TRIM9: variants seen among roughly 807,000 people sequenced by gnomAD.
TRIM9 encodes the protein E3 ubiquitin-protein ligase TRIM9.
In TRIM9, 26 loss-of-function variants were observed where a neutral mutation model predicts 78.3. That is an observed-to-expected ratio of 0.33 (90% CI 0.24 to 0.46). The LOEUF is 0.46. Among genes scored for constraint, TRIM9 ranks in the 20% least tolerant of loss-of-function variants. TRIM9 has a pLI of 1.00. For missense variants in TRIM9, 787 were observed against 1,036.4 expected (o/e 0.76, Z 3.30); for synonymous variants, 398 against 416.5 (o/e 0.96, Z 0.54).
At chr14:51,088,501 A>C (rs2063990811) in intron 1 of TRIM9, among the ~76,000 whole-genome samples, 1 of 152,240 alleles carries the variant, frequency 6.6e-6, no homozygotes, top group Non-Finnish European at 1.5e-5. Context: ...AGAATTGTGG[A>C]GTGCTCATAC....
intron 1 of TRIM9, among the ~76,000 whole-genome samples, chr14:51,028,101 CAA>C (rs1177736089): frequency 3.9e-5 from 6 of 152,180 alleles, no homozygotes; most frequent in Non-Finnish European, 7.3e-5. Flanking sequence ...TAGTAGTAGA[CAA>C]AGAGTTTTGG....
At chr14:51,032,507 C>T (rs1466833075) in intron 1 of TRIM9, among the ~76,000 whole-genome samples, 2 of 152,208 alleles carry the variant, frequency 1.3e-5, no homozygotes, top group African/African-American at 4.8e-5. Flanking sequence ...GGCTGGGGCC[C>T]CCTTGCTTCA....
chr14:50,980,562 A>G (rs1322026779), intron 11 of TRIM9, among the ~76,000 whole-genome samples: 1 of 152,196 alleles, frequency 6.6e-6, no homozygotes, highest in African/African-American at 2.4e-5. Flanking sequence ...ATGCAAGCAG[A>G]TGTGTTCAGC....
At chr14:51,076,149 G>C (rs1596316934) in intron 1 of TRIM9, among the ~76,000 whole-genome samples, 1 of 152,178 alleles carries the variant, frequency 6.6e-6, no homozygotes, top group East Asian at 1.9e-4. Context: ...CTGTTTCACA[G>C]ATGAGGAAAC....
rs536835740 is a variant in TRIM9, at chr14:51,060,300, A to G, written c.822+33818T>C. On this transcript the variant is annotated intron_variant, in intron 1 of 12. Transcript: ENST00000684578. ...TCAGCCTAACTTCCTATGACCATTT[A>G]GCTAACCCTTTACTCCCTCAGTATT... Among the ~76,000 whole-genome samples, 8 of 152,306 alleles carry G rather than the reference A, an allele frequency of 5.3e-5. No homozygotes were observed. The South Asian group carries it at 1.7e-3, about 32-fold the overall frequency.
At chr14:50,996,402 C>A (rs775730775) in intron 7 of TRIM9, 110 of 985,176 alleles carry the variant, frequency 1.1e-4, no homozygotes, top group Non-Finnish European at 1.3e-4. Flanking sequence ...CATCCTCCTG[C>A]AGGATGAAAC....
chr14:51,003,705 AC>A (rs143086618), intron 5 of TRIM9, among the ~76,000 whole-genome samples: 12,102 of 152,190 alleles, frequency 0.08, 630 homozygotes, highest in Middle Eastern at 0.17. Context: ...CCAGATTTAG[AC>A]AAATTAGCAA....
At chr14:51,068,384 T>C (rs983584216) in intron 1 of TRIM9, among the ~76,000 whole-genome samples, 2 of 152,096 alleles carry the variant, frequency 1.3e-5, no homozygotes, top group Non-Finnish European at 2.9e-5. Context: ...ATATGTGAAG[T>C]GTCAAGTAGG....
chr14:50,985,809 G>T (rs115708511), intron 8 of TRIM9, 147 bp downstream of exon 8: 1 of 665,194 alleles, frequency 1.5e-6, no homozygotes. Flanking sequence ...CCACCATCCC[G>T]ATGCTCCTCA....
At chr14:51,035,471 A>G (rs1407384128) in intron 1 of TRIM9, among the ~76,000 whole-genome samples, 1 of 152,232 alleles carries the variant, frequency 6.6e-6, no homozygotes, top group Non-Finnish European at 1.5e-5. Flanking sequence ...TACATTTCTA[A>G]TACCATGTTT....
intron 7 of TRIM9, chr14:50,996,847 A>G (rs947218274): frequency 1.0e-5 from 10 of 985,454 alleles, no homozygotes; most frequent in Non-Finnish European, 1.1e-5. Context: ...TTCTCTTGGA[A>G]TAGCATCACT....
At chr14:51,069,642 T>A (rs1439043334) in intron 1 of TRIM9, among the ~76,000 whole-genome samples, 1 of 152,216 alleles carries the variant, frequency 6.6e-6, no homozygotes, top group Non-Finnish European at 1.5e-5. Context: ...AAGCAACACT[T>A]AAAATCAGGA....
chr14:50,992,733 T>C (rs1474236793), intron 7 of TRIM9, among the ~76,000 whole-genome samples: 1 of 152,184 alleles, frequency 6.6e-6, no homozygotes, highest in Non-Finnish European at 1.5e-5. Context: ...TTTCCTTCAA[T>C]GCACAGAAGA....
chr14:51,061,567 T>A (rs957813145), intron 1 of TRIM9, among the ~76,000 whole-genome samples: 1 of 152,232 alleles, frequency 6.6e-6, no homozygotes, highest in South Asian at 2.1e-4. Context: ...GCACTTTTTG[T>A]GTCCTGTAAG....
chr14:50,992,416 GAA>G (rs35856104), intron 7 of TRIM9, among the ~76,000 whole-genome samples: 6 of 145,986 alleles, frequency 4.1e-5, no homozygotes, highest in Admixed American at 1.4e-4. Context: ...TGTCTCTACG[GAA>G]AAAAAAAAAA....
At chr14:51,023,578 A>G (rs1411489380) in intron 2 of TRIM9, among the ~76,000 whole-genome samples, 2 of 152,262 alleles carry the variant, frequency 1.3e-5, no homozygotes, top group African/African-American at 2.4e-5. Context: ...AGGCAACTTC[A>G]TACTAAGTGA....
chr14:50,984,902 G>T (rs147013044), intron 8 of TRIM9, among the ~76,000 whole-genome samples: 1 of 152,284 alleles, frequency 6.6e-6, no homozygotes, highest in African/African-American at 2.4e-5. Context: ...ATAGTGCACA[G>T]AAAAACAATA....
intron 1 of TRIM9, among the ~76,000 whole-genome samples, chr14:51,047,458 T>C (rs1043005678): frequency 6.6e-6 from 1 of 152,132 alleles, no homozygotes; most frequent in Admixed American, 6.5e-5. Context: ...TAGAAAACCA[T>C]TCGGTGCAAT....
intron 1 of TRIM9, chr14:51,090,008 T>C (rs1453825399): frequency 3.3e-5 from 5 of 152,244 alleles, no homozygotes; most frequent in Non-Finnish European, 1.5e-5. Context: ...AGACAGGTGA[T>C]GATACTTGCA....
Sources: allele counts gnomAD v4.1 joint callset (sites outside exome capture counted in the v4.1 genomes callset), GRCh38; gene constraint gnomAD v4.1.1; transcripts MANE v1.5; gene names NCBI Gene and HGNC (gene_info 2026-07-23, HGNC 2026-07-21).